The following RABGAP1L variants were observed in gnomAD, a reference collection of about 807,000 sequenced individuals.
RABGAP1L encodes the protein RAB GTPase activating protein 1 like.
In RABGAP1L, 63 loss-of-function variants were observed where a neutral mutation model predicts 137.7. The observed-to-expected ratio is 0.46, with a 90% confidence interval of 0.37 to 0.56. The LOEUF (loss-of-function observed/expected upper bound fraction) is 0.56, where lower values mean the gene tolerates loss of function less well. Ranked by LOEUF, RABGAP1L falls within the 20% of genes least tolerant of loss-of-function variation. The probability of loss-of-function intolerance (pLI) is 0.00; values close to 1 mark genes in which losing one functional copy is unlikely to be tolerated. For synonymous variants in RABGAP1L, 431 were observed against 433.7 expected (o/e 0.99, Z 0.08); for missense variants, 1,095 against 1,244.0 (o/e 0.88, Z 1.80).
chr1:174,330,016 A>G (rs1333457997), intron 11 of RABGAP1L, among the ~76,000 whole-genome samples: 6 of 152,120 alleles, frequency 3.9e-5, no homozygotes, highest in African/African-American at 1.4e-4. Flanking sequence ...TACTTTTACC[A>G]CTGCTATTCA....
chr1:174,939,380 A>G (rs1238215530), intron 19 of RABGAP1L, among the ~76,000 whole-genome samples: 2 of 151,928 alleles, frequency 1.3e-5, no homozygotes, highest in East Asian at 3.9e-4. Flanking sequence ...ACATGGCGAA[A>G]CCCCGTCTCT....
At chr1:174,464,214 A>G (rs1229294863) in intron 13 of RABGAP1L, among the ~76,000 whole-genome samples, 1 of 152,150 alleles carries the variant, frequency 6.6e-6, no homozygotes, top group African/African-American at 2.4e-5. Context: ...TTTGGGGTTT[A>G]TTGCAGTTCT....
chr1:174,233,780 G>C (rs1242232208), intron 4 of RABGAP1L, among the ~76,000 whole-genome samples: 5 of 134,042 alleles, frequency 3.7e-5, no homozygotes, highest in Admixed American at 7.1e-5. Flanking sequence ...GGTATATACC[G>C]AGTAATGGGA....
intron 1 of RABGAP1L, among the ~76,000 whole-genome samples, chr1:174,216,543 T>C (rs1336192681): frequency 6.6e-6 from 1 of 151,268 alleles, no homozygotes; most frequent in East Asian, 1.9e-4. Flanking sequence ...TTCCAATTCC[T>C]CCCTCTCTCC....
chr1:174,552,698 G>A lies in RABGAP1L; in HGVS notation c.1711-84677G>A, dbSNP rs578054275. On this transcript the variant is annotated intron_variant, in intron 13 of 25. Coordinates refer to ENST00000681986, the MANE Select transcript of RABGAP1L (RefSeq NM_001366446.1). ...CTGCAGTGAACATATGCGTGCATGC[G>A]TCTTTATAACAGAATGATTTATATT... 1.5e-4 allele frequency among the ~76,000 whole-genome samples: 23 copies of A among 152,214 alleles called. 1 individual carries two copies. Among genetic ancestry groups the A allele is most frequent in the Middle Eastern group, 6.8e-3 (2 of 294 alleles).
intron 1 of RABGAP1L, among the ~76,000 whole-genome samples, chr1:174,176,741 A>T (rs141270217): frequency 0.039 from 4,368 of 111,742 alleles, 443 homozygotes; most frequent in African/African-American, 0.11. Flanking sequence ...AAAAAAAAAA[A>T]AAAAAGGTCA....
chr1:174,259,348 G>A (rs1473008801), intron 7 of RABGAP1L, among the ~76,000 whole-genome samples: 1 of 152,048 alleles, frequency 6.6e-6, no homozygotes, highest in African/African-American at 2.4e-5. Context: ...GTTCTAGGTG[G>A]TATTTCTGAG....
intron 12 of RABGAP1L, among the ~76,000 whole-genome samples, chr1:174,375,667 C>T (rs1685461323): frequency 6.6e-6 from 1 of 152,104 alleles, no homozygotes; most frequent in South Asian, 2.1e-4. Context: ...AAATAAATAA[C>T]CTGAATACTC....
At chr1:174,835,485 T>C (rs1016625227) in intron 19 of RABGAP1L, among the ~76,000 whole-genome samples, 1 of 152,300 alleles carries the variant, frequency 6.6e-6, no homozygotes, top group East Asian at 1.9e-4. Flanking sequence ...ACACCATTCA[T>C]TTAAATTCAC....
At chr1:174,221,511 C>T (rs1395343399) in intron 3 of RABGAP1L, among the ~76,000 whole-genome samples, 4 of 152,104 alleles carry the variant, frequency 2.6e-5, no homozygotes, top group African/African-American at 9.7e-5. Context: ...CTCAGTTTCA[C>T]TACACTTATT....
At chr1:174,338,589 T>G (rs1328862996) in intron 11 of RABGAP1L, among the ~76,000 whole-genome samples, 1 of 152,004 alleles carries the variant, frequency 6.6e-6, no homozygotes, top group African/African-American at 2.4e-5. Context: ...GGATTGAAAT[T>G]TGATTTTAAC....
intron 23 of RABGAP1L, 55 bp downstream of exon 23, chr1:174,978,945 ATTT>A: frequency 5.1e-5 from 59 of 1,164,054 alleles, no homozygotes; most frequent in South Asian, 2.5e-4. Context: ...TATAAAAGTA[ATTT>A]TTTTTTTTTT....
At chr1:174,973,169 C>T (rs1670298496) in intron 21 of RABGAP1L, among the ~76,000 whole-genome samples, 1 of 152,132 alleles carries the variant, frequency 6.6e-6, no homozygotes, top group Admixed American at 6.5e-5. Context: ...AAACTGGACT[C>T]TTCCCTATAG....
chr1:174,505,349 A>C lies in RABGAP1L; in HGVS notation c.1710+111204A>C, dbSNP rs550530637. ...TATTTTCCTAGAATCAGGGTAGTCA[A>C]GAATATTTCGTTTACTCTAGCCAGT... On this transcript the variant is annotated intron_variant, in intron 13 of 25. Transcript: ENST00000681986. Among the ~76,000 whole-genome samples the C allele has an allele frequency of 4.6e-5, 7 of 152,330 alleles. No homozygotes were observed. In the South Asian group the frequency reaches 1.5e-3, roughly 32 times the overall value.
At chr1:174,257,714 AT>A (rs1230888513) in intron 7 of RABGAP1L, among the ~76,000 whole-genome samples, 4 of 152,164 alleles carry the variant, frequency 2.6e-5, no homozygotes. Context: ...AACATTGGAT[AT>A]TTTACCAAAA....
At chr1:174,327,988 T>TATATATATATATATATATATAC in intron 11 of RABGAP1L, among the ~76,000 whole-genome samples, 1 of 22,796 alleles carries the variant, frequency 4.4e-5, no homozygotes, top group African/African-American at 1.4e-4. Flanking sequence ...TACACACACA[T>TATATATATATATATATATATAC]ATATATATAT....
intron 14 of RABGAP1L, among the ~76,000 whole-genome samples, chr1:174,670,563 G>T (rs1379098285): frequency 3.3e-5 from 5 of 151,876 alleles, no homozygotes; most frequent in Non-Finnish European, 5.9e-5. Flanking sequence ...ACCCTTTTCA[G>T]CCTCTGGTAA....
At chr1:174,444,769 G>A (rs1254838546) in intron 13 of RABGAP1L, among the ~76,000 whole-genome samples, 1 of 151,986 alleles carries the variant, frequency 6.6e-6, no homozygotes, top group African/African-American at 2.4e-5. Context: ...TTGTATTTCT[G>A]TGGAGTCAAT....
intron 13 of RABGAP1L, among the ~76,000 whole-genome samples, chr1:174,420,823 C>T (rs906824767): frequency 9.2e-5 from 14 of 151,798 alleles, no homozygotes; most frequent in Non-Finnish European, 1.8e-4. Context: ...TACAGGCGCC[C>T]GCCACCACGC....
Sources: gnomAD v4.1 joint callset for allele counts (sites outside exome capture counted in the v4.1 genomes callset) on GRCh38, gnomAD v4.1.1 for gene constraint, MANE v1.5 for transcripts, NCBI Gene and HGNC (gene_info 2026-07-23, HGNC 2026-07-21) for gene names.